The following PPP6R2 variants were observed in gnomAD, a reference collection of about 807,000 sequenced individuals.
PPP6R2 encodes the protein protein phosphatase 6 regulatory subunit 2.
PPP6R2 carries 62 observed loss-of-function variants against 100.2 expected under a neutral mutation model. The observed-to-expected ratio is 0.62, with a 90% CI of 0.50 to 0.76. The LOEUF (loss-of-function observed/expected upper bound fraction) is 0.76, where lower values mean the gene tolerates loss of function less well. Among genes scored for constraint, PPP6R2 ranks in the 30% least tolerant of loss-of-function variants. PPP6R2 has a pLI of 0.00. For missense variants in PPP6R2, 1,142 were observed against 1,276.3 expected (o/e 0.89, Z 1.60); for synonymous variants, 525 against 514.7 (o/e 1.02, Z -0.27).
intron 1 of PPP6R2, among the ~76,000 whole-genome samples, chr22:50,350,405 A>G (rs1236957353): frequency 1.3e-5 from 2 of 151,188 alleles, no homozygotes; most frequent in East Asian, 4.1e-4. Flanking sequence ...TAATTTTTGC[A>G]TTTTCTATAA....
chr22:50,404,204 C>T (rs1237838755), intron 3 of PPP6R2, among the ~76,000 whole-genome samples: 1 of 150,814 alleles, frequency 6.6e-6, no homozygotes, highest in Non-Finnish European at 1.5e-5. Flanking sequence ...AAGTGATTCT[C>T]CTGCCTCAGC....
intron 1 of PPP6R2, among the ~76,000 whole-genome samples, chr22:50,368,994 T>C (rs180964810): frequency 5.3e-5 from 8 of 152,158 alleles, no homozygotes; most frequent in African/African-American, 1.9e-4. Flanking sequence ...ATCCCAGCAC[T>C]TTGGGAGGCC....
intron 4 of PPP6R2, among the ~76,000 whole-genome samples, chr22:50,407,218 G>A (rs1012206513): frequency 1.3e-5 from 2 of 152,056 alleles, no homozygotes; most frequent in Admixed American, 6.6e-5. Context: ...GTGGTGGTGC[G>A]CACCTGTCAT....
chr22:50,438,142 C>G, intron 17 of PPP6R2, 32 bp from the exon 18 acceptor site: 1 of 1,596,052 alleles, frequency 6.3e-7, no homozygotes, highest in Non-Finnish European at 8.5e-7. Context: ...CCCAGACCCT[C>G]TGGAAACTCA....
chr22:50,355,019 T>G (rs1268980636), intron 1 of PPP6R2, among the ~76,000 whole-genome samples: 1 of 150,812 alleles, frequency 6.6e-6, no homozygotes, highest in African/African-American at 2.4e-5. Flanking sequence ...AATTTTTTAT[T>G]TTTTGTGGAG....
chr22:50,424,633 C>CTTTTTTTTTTTTTTTT (rs71198247), intron 10 of PPP6R2, among the ~76,000 whole-genome samples: 1 of 74,252 alleles, frequency 1.3e-5, no homozygotes, highest in Non-Finnish European at 2.5e-5. Context: ...CCCTCTTCTT[C>CTTTTTTTTTTTTTTTT]TTTTTTTTTT....
chr22:50,426,693 G>A (rs889397854), intron 10 of PPP6R2, among the ~76,000 whole-genome samples: 5 of 152,178 alleles, frequency 3.3e-5, no homozygotes, highest in Admixed American at 1.3e-4. Flanking sequence ...AAATTAGCCA[G>A]GCATGGTGGC....
Position 50,439,872 on chromosome 22 carries a change from G to C in PPP6R2, c.2285+15G>C. The C allele has an allele frequency of 6.2e-7, 1 of 1,609,806 alleles. No homozygotes were observed. Among genetic ancestry groups the C allele is most frequent in the Non-Finnish European group, 8.5e-7 (1 of 1,177,084 alleles). On this transcript the variant is annotated intron_variant, in intron 20 of 23. Transcript: ENST00000612753. ...CCTTTCTGCTGGTAACAAATGCGCT[G>C]GCAGGAGGGGGCTGTGCCAGGAAGT...
intron 10 of PPP6R2, among the ~76,000 whole-genome samples, chr22:50,427,385 C>T (rs559101472): frequency 6.6e-6 from 1 of 152,190 alleles, no homozygotes; most frequent in South Asian, 2.1e-4. Context: ...AAAGTCATCC[C>T]GTGAGATTCT....
intron 1 of PPP6R2, among the ~76,000 whole-genome samples, chr22:50,351,857 G>A (rs1215790362): frequency 6.6e-6 from 1 of 151,742 alleles, no homozygotes; most frequent in Admixed American, 6.6e-5. Flanking sequence ...GCAGTGGCGC[G>A]ATCTCGGCTC....
chr22:50,438,104 C>A, intron 17 of PPP6R2, 70 bp from the exon 18 acceptor site: 1 of 1,556,786 alleles, frequency 6.4e-7, no homozygotes, highest in South Asian at 1.2e-5. Flanking sequence ...CCTCTGGGAG[C>A]TCTATGGGGA....
In PPP6R2 at chr22:50,436,443, T is replaced by C. The variant is rs2064283103; in HGVS notation, c.1593T>C (p.Thr531=). 1.2e-5 allele frequency: 19 copies of C among 1,590,826 alleles called. 1 individual carries two copies. The East Asian group carries it at 3.9e-4, about 32-fold the overall frequency. The change falls in exon 14 of 24, where the codon ACT becomes ACC. Residue 531 remains threonine, a synonymous_variant. Coordinates refer to ENST00000612753, the MANE Select transcript of PPP6R2 (RefSeq NM_001242898.2). ...TGACGGAGACGAACCGCAGGAACAC[T>C]GTGGACCTGGTGAGGAGGCTCGGGG... ...ETLTETNRRN[T]VDLVSTHHLH...
chr22:50,354,259 C>G (rs1409924804), intron 1 of PPP6R2, among the ~76,000 whole-genome samples: 1 of 152,078 alleles, frequency 6.6e-6, no homozygotes, highest in South Asian at 2.1e-4. Flanking sequence ...GAGCCAAGAT[C>G]ATGCCACTGC....
At chr22:50,356,821 C>G (rs2148235602) in intron 1 of PPP6R2, among the ~76,000 whole-genome samples, 1 of 151,990 alleles carries the variant, frequency 6.6e-6, no homozygotes. Context: ...ATAATCCCAG[C>G]TACTTGGGAG....
At chr22:50,390,003 T>C (rs2055123630) in intron 2 of PPP6R2, among the ~76,000 whole-genome samples, 1 of 151,492 alleles carries the variant, frequency 6.6e-6, no homozygotes, top group Non-Finnish European at 1.5e-5. Flanking sequence ...TTTTTCTTTT[T>C]TTTTTTGAGA....
intron 10 of PPP6R2, among the ~76,000 whole-genome samples, chr22:50,426,169 C>G (rs1212802696): frequency 2.6e-5 from 4 of 152,058 alleles, no homozygotes; most frequent in Non-Finnish European, 5.9e-5. Flanking sequence ...ATCAGGCTGG[C>G]CTTGAACTCC....
At chr22:50,375,947 T>C (rs1333607713) in intron 2 of PPP6R2, among the ~76,000 whole-genome samples, 1 of 150,268 alleles carries the variant, frequency 6.7e-6, no homozygotes, top group African/African-American at 2.5e-5. Context: ...TTGAAGCGAT[T>C]CTCCTACCTC....
chr22:50,436,519 C>T (rs939651894), intron 14 of PPP6R2, 67 bp downstream of exon 14: 2 of 1,495,522 alleles, frequency 1.3e-6, no homozygotes, highest in African/African-American at 1.4e-5. Flanking sequence ...ACGCTCCTGC[C>T]TTTGCCCTGA....
intron 5 of PPP6R2, among the ~76,000 whole-genome samples, chr22:50,415,302 G>A (rs1200794374): frequency 1.3e-5 from 2 of 152,218 alleles, no homozygotes; most frequent in African/African-American, 4.8e-5. Flanking sequence ...CGCTCTGCCT[G>A]TTTCCCAGCT....
Sources: gnomAD v4.1 joint callset for allele counts (sites outside exome capture counted in the v4.1 genomes callset) on GRCh38, gnomAD v4.1.1 for gene constraint, MANE v1.5 for transcripts, NCBI Gene and HGNC (gene_info 2026-07-23, HGNC 2026-07-21) for gene names.